TRAF3IP1: variants seen among roughly 807,000 people sequenced by gnomAD.
TRAF3IP1 encodes the protein intraflagellar transport 54, also known as TRAF3-interacting protein 1.
A neutral mutation model predicts 89.9 loss-of-function variants in TRAF3IP1; 53 were observed. The ratio of observed to expected loss-of-function variants is 0.59; its 90% CI spans 0.47 to 0.74. The LOEUF (loss-of-function observed/expected upper bound fraction) is 0.74. Ranked by LOEUF, TRAF3IP1 falls within the 30% of genes least tolerant of loss-of-function variation. The probability of loss-of-function intolerance (pLI) is 0.00; values close to 1 mark genes in which losing one functional copy is unlikely to be tolerated. For missense variants in TRAF3IP1, 806 were observed against 866.1 expected (o/e 0.93, Z 0.87); for synonymous variants, 311 against 322.1 (o/e 0.97, Z 0.37).
chr2:238,362,049 G>A (rs1699684205), intron 15 of TRAF3IP1, among the ~76,000 whole-genome samples: 1 of 152,110 alleles, frequency 6.6e-6, no homozygotes, highest in South Asian at 2.1e-4. Flanking sequence ...ATATCTGCTG[G>A]TTATGTCTGT....
intron 8 of TRAF3IP1, among the ~76,000 whole-genome samples, chr2:238,339,666 C>T (rs1427405525): frequency 6.6e-6 from 1 of 152,244 alleles, no homozygotes; most frequent in Non-Finnish European, 1.5e-5. Context: ...ACAGTTTCCT[C>T]GTCATAAATG....
intron 1 of TRAF3IP1, among the ~76,000 whole-genome samples, chr2:238,321,330 G>A (rs1168020116): frequency 6.6e-6 from 1 of 152,220 alleles, no homozygotes; most frequent in African/African-American, 2.4e-5. Context: ...GCACGTGGAA[G>A]GCACTCCCTA....
chr2:238,378,534 A>G (rs776380872), intron 15 of TRAF3IP1, among the ~76,000 whole-genome samples: 1 of 152,206 alleles, frequency 6.6e-6, no homozygotes, highest in Non-Finnish European at 1.5e-5. Flanking sequence ...TATTTACCCA[A>G]TATAAAACTA....
chr2:238,374,349 G>T (rs775273556), intron 15 of TRAF3IP1, among the ~76,000 whole-genome samples: 16 of 151,730 alleles, frequency 1.1e-4, no homozygotes, highest in Non-Finnish European at 1.8e-4. Context: ...AAGGGCTGTC[G>T]AGTTTGGTCG....
chr2:238,325,814 A>G lies in TRAF3IP1; in HGVS notation c.198A>G (p.Lys66=). 1 of 1,611,516 alleles carries G rather than the reference A, an allele frequency of 6.2e-7. No individual in the cohort carries two copies. Among genetic ancestry groups the G allele is most frequent in the South Asian group, 1.1e-5 (1 of 90,330 alleles). The change falls in exon 3 of 17, where the codon AAA becomes AAG. Residue 66 remains lysine (K), a synonymous_variant. Transcript: ENST00000373327. ...AEMKSDNVKD[K]DAKISFLQKA... is the part of the protein sequence containing the mutation. Reference sequence around the variant, plus strand: ...TTTCAATGGAAATGTTTCAGGATAAAGATGCAAAAATTAGCTTCCTACAAA... The same window carrying G: ...TTTCAATGGAAATGTTTCAGGATAAGGATGCAAAAATTAGCTTCCTACAAA...
chr2:238,334,029 G>T lies in TRAF3IP1; in HGVS notation c.1057G>T (p.Val353Leu). 1.2e-6 allele frequency: 2 copies of T among 1,608,554 alleles called. No homozygotes were observed. Among genetic ancestry groups the T allele is most frequent in the Non-Finnish European group, 1.7e-6 (2 of 1,177,336 alleles). The stretch of plus-strand genomic sequence containing the variant: ...ATCAAAACGGCGATCCAAAAATTCA[G>T]TGGAAGGTACTGCAAAACTTATATA... ...KTSKRRSKNS[V>L]EGRKEDNISA... The change falls in exon 7 of 17, where the codon GTG becomes TTG. Residue 353 changes from valine (V) to leucine (L), a missense_variant. Transcript: ENST00000373327.
intron 15 of TRAF3IP1, among the ~76,000 whole-genome samples, chr2:238,374,909 A>G (rs1186881182): frequency 6.6e-6 from 1 of 152,036 alleles, no homozygotes; most frequent in Admixed American, 6.6e-5. Flanking sequence ...TTTCTAGTTT[A>G]TTTGTGTAGA....
At chr2:238,381,047 T>A (rs954964889) in intron 15 of TRAF3IP1, among the ~76,000 whole-genome samples, 1 of 152,076 alleles carries the variant, frequency 6.6e-6, no homozygotes, top group African/African-American at 2.4e-5. Flanking sequence ...GCTTCATCTG[T>A]CCTATTTACA....
chr2:238,394,407 C>T lies in TRAF3IP1; in HGVS notation c.1690-3052C>T, dbSNP rs555393713. Among the ~76,000 whole-genome samples, 35 of 152,260 alleles carry T rather than the reference C, an allele frequency of 2.3e-4. No homozygotes were observed. In the South Asian group the frequency reaches 6.4e-3, roughly 28 times the overall value. ...CATGTCTTTACTGTGTCCTGTCTTC[C>T]ATTCCATGGACACAGTGTGTCTTCT... On this transcript the variant is annotated intron_variant, in intron 15 of 16. Coordinates refer to ENST00000373327, the MANE Select transcript of TRAF3IP1 (RefSeq NM_015650.4).
chr2:238,371,023 GC>G (rs1700089476), intron 15 of TRAF3IP1, among the ~76,000 whole-genome samples: 1 of 152,164 alleles, frequency 6.6e-6, no homozygotes, highest in Admixed American at 6.6e-5. Context: ...GTGGTTTTCT[GC>G]CACAATTTGG....
intron 15 of TRAF3IP1, among the ~76,000 whole-genome samples, chr2:238,378,799 C>T (rs10203772): frequency 4.5e-4 from 69 of 152,294 alleles, no homozygotes; most frequent in African/African-American, 1.5e-3. Flanking sequence ...GCCGGGACCC[C>T]CCCCCAGGCC....
chr2:238,395,598 C>G (rs1022638538), intron 15 of TRAF3IP1, among the ~76,000 whole-genome samples: 1 of 151,960 alleles, frequency 6.6e-6, no homozygotes, highest in African/African-American at 2.4e-5. Context: ...AACAGGCAAC[C>G]TACAAAATTA....
At chr2:238,373,898 G>A (rs900863340) in intron 15 of TRAF3IP1, among the ~76,000 whole-genome samples, 2 of 152,156 alleles carry the variant, frequency 1.3e-5, no homozygotes, top group Non-Finnish European at 2.9e-5. Context: ...TGTAGCAATT[G>A]TGAATGGGAG....
At chr2:238,398,610 G>T (rs952867708) in intron 16 of TRAF3IP1, 144 bp from the exon 17 acceptor site, 2 of 901,432 alleles carry the variant, frequency 2.2e-6, no homozygotes, top group Non-Finnish European at 3.2e-6. Context: ...TTGTAGCAGG[G>T]GTTGTGAAAA....
chr2:238,351,858 TGTGTGTGTGCGC>T lies in TRAF3IP1; in HGVS notation c.1452-967_1452-956del, dbSNP rs1374571730. 1.0e-4 allele frequency among the ~76,000 whole-genome samples: 11 copies of T among 104,786 alleles called. No individual in the cohort carries two copies. The highest frequency in any genetic ancestry group is 2.9e-4 in the South Asian group (1 of 3,408). 68.7% of individuals were successfully genotyped at this position (104,786 alleles called of 152,430 possible). On this transcript the variant is annotated intron_variant, in intron 12 of 16. Coordinates refer to ENST00000373327, the MANE Select transcript of TRAF3IP1 (RefSeq NM_015650.4). This position sits in a 1 kb window ranked among gnomAD's most constrained non-coding sequence, Gnocchi z 5.2. ...TGGTGTGTGTGTGTGTGTGTGTGTG[TGTGTGTGTGCGC>T]GCGCGCGCGTGTGCGTGCATGTGCT...
chr2:238,381,899 G>T (rs935460582), intron 15 of TRAF3IP1, among the ~76,000 whole-genome samples: 3 of 152,166 alleles, frequency 2.0e-5, no homozygotes, highest in African/African-American at 7.2e-5. Flanking sequence ...AGGCTGAGAA[G>T]GAAAGGGGCT....
chr2:238,347,350 T>C lies in TRAF3IP1; in HGVS notation c.1262-105T>C, dbSNP rs551957175. The stretch of plus-strand genomic sequence containing the variant: ...AATGATCTTTTTTTCTTAGCAGACA[T>C]CCAAAATTATGTACAGTGTGTTTTT... On this transcript the variant is annotated intron_variant, in intron 9 of 16. Transcript: ENST00000373327. The C allele has an allele frequency of 2.9e-4, 353 of 1,197,170 alleles. 1 individual carries two copies. Among genetic ancestry groups the C allele is most frequent in the Non-Finnish European group, 4.1e-4 (332 of 815,754 alleles). The allele number at this position is 1,197,170 out of a possible 1,614,324, so 74.2% of individuals were successfully genotyped here.
At chr2:238,338,927 G>T (rs1448920173) in intron 8 of TRAF3IP1, among the ~76,000 whole-genome samples, 1 of 152,194 alleles carries the variant, frequency 6.6e-6, no homozygotes, top group Non-Finnish European at 1.5e-5. Flanking sequence ...CCCAGCCCTC[G>T]TCCTGCTGCC....
chr2:238,380,894 A>G (rs1415664678), intron 15 of TRAF3IP1, among the ~76,000 whole-genome samples: 2 of 152,180 alleles, frequency 1.3e-5, no homozygotes, highest in East Asian at 1.9e-4. Context: ...CTGTAGCCAT[A>G]AAACAAAGAT....
Sources: gnomAD v4.1 joint callset for allele counts (sites outside exome capture counted in the v4.1 genomes callset) on GRCh38, gnomAD v4.1.1 for gene constraint, Gnocchi (gnomAD v3.1) non-coding constraint, MANE v1.5 for transcripts, NCBI Gene and HGNC (gene_info 2026-07-23, HGNC 2026-07-21) for gene names.